Variants in KHDC1 observed in about 807,000 individuals in gnomAD.
KHDC1 encodes KH domain containing 1.
In KHDC1, 21 loss-of-function variants were observed where a neutral mutation model predicts 24.7. The observed-to-expected ratio is 0.85, with a 90% CI of 0.60 to 1.23. The LOEUF is 1.23. Among genes scored for constraint, KHDC1 ranks in the 50% most tolerant of loss-of-function variants. KHDC1 has a pLI of 0.00. For missense variants in KHDC1, 274 were observed against 298.5 expected (o/e 0.92, Z 0.61); for synonymous variants, 98 against 111.7 (o/e 0.88, Z 0.77).
chr6:73,269,702 G>A (rs1767146508), intron 2 of KHDC1: 1 of 152,002 alleles, frequency 6.6e-6, no homozygotes, highest in Admixed American at 6.6e-5. Flanking sequence ...AGGTTGTTAG[G>A]TATAGTTCAA....
chr6:73,292,919 G>T, intron 1 of KHDC1: 1 of 819,322 alleles, frequency 1.2e-6, no homozygotes, highest in South Asian at 1.4e-5. Context: ...CTTCTTGGTG[G>T]CTTGTCTTAA....
Position 73,294,072 on chromosome 6 carries a change from A to G in KHDC1, c.164-2032T>C, listed in dbSNP as rs554772792. 2.6e-5 allele frequency among the ~76,000 whole-genome samples: 4 copies of G among 151,996 alleles called. No homozygotes were observed. The South Asian group carries it at 6.3e-4, about 24-fold the overall frequency. ...GCCAAGGCAGGATTGCTTGAGACCA[A>G]CCAGAAGTTCAAGGTTGCCTGGGCA... On this transcript the variant is annotated intron_variant, in intron 1 of 4. Transcript: ENST00000370384.
At chr6:73,263,045 C>T (rs1767011687) in intron 2 of KHDC1, 1 of 949,492 alleles carries the variant, frequency 1.1e-6, no homozygotes, top group South Asian at 4.1e-5. Context: ...AGTAGGGCGG[C>T]GGCGGCGGCG....
At chr6:73,255,589 T>C (rs1190818675) in intron 2 of KHDC1, among the ~76,000 whole-genome samples, 3 of 149,596 alleles carry the variant, frequency 2.0e-5, no homozygotes, top group African/African-American at 7.4e-5. Context: ...AGTGGGATCA[T>C]TGCTTGCGGT....
chr6:73,280,981 G>A (rs542714660), intron 2 of KHDC1, among the ~76,000 whole-genome samples: 2 of 152,176 alleles, frequency 1.3e-5, no homozygotes, highest in South Asian at 4.2e-4. Flanking sequence ...GACCAAGTAG[G>A]GCAAATCACT....
chr6:73,284,732 C>G (rs756677997), intron 2 of KHDC1: 11 of 152,152 alleles, frequency 7.2e-5, no homozygotes, highest in Non-Finnish European at 1.6e-4. Flanking sequence ...GCTCAAACTC[C>G]AGGTATGCTC....
intron 2 of KHDC1, chr6:73,263,013 C>G (rs1054698190): frequency 2.0e-6 from 2 of 1,020,690 alleles, no homozygotes; most frequent in South Asian, 3.9e-5. Context: ...GGTGGCGCGC[C>G]GCAGGCCTGG....
chr6:73,246,759 G>A (rs79485027), intron 2 of KHDC1, among the ~76,000 whole-genome samples: 2 of 151,798 alleles, frequency 1.3e-5, no homozygotes, highest in Non-Finnish European at 2.9e-5. Context: ...GTTATTCTCA[G>A]CTTGGTAACC....
At chr6:73,256,569 C>T (rs1299664638) in intron 2 of KHDC1, among the ~76,000 whole-genome samples, 1 of 152,244 alleles carries the variant, frequency 6.6e-6, no homozygotes, top group African/African-American at 2.4e-5. Context: ...TTTACCAATA[C>T]GTAAGCATAA....
rs78971886 is a variant in KHDC1 at position 73,307,085 on chromosome 6, C to T, written c.163+2467G>A. 4.1e-3 allele frequency among the ~76,000 whole-genome samples: 625 copies of T among 152,052 alleles called. 5 individuals carry two copies. Among genetic ancestry groups the T allele is most frequent in the African/African-American group, 0.014 (574 of 41,494 alleles). On this transcript the variant is annotated intron_variant, in intron 1 of 4. Coordinates refer to ENST00000370384, the Ensembl canonical transcript of KHDC1. ...CCTTTTGAAAATGTTTTTCCTTTTA[C>T]CCTGGAAAGAACACTGATCAACACT...
intron 1 of KHDC1, among the ~76,000 whole-genome samples, chr6:73,305,809 G>C (rs762472727): frequency 1.3e-5 from 2 of 151,948 alleles, no homozygotes; most frequent in Non-Finnish European, 2.9e-5. Flanking sequence ...ACAGGAGCCC[G>C]CCACCACACC....
At chr6:73,252,831 A>G (rs1479307749) in intron 2 of KHDC1, among the ~76,000 whole-genome samples, 11 of 151,852 alleles carry the variant, frequency 7.2e-5, no homozygotes, top group Non-Finnish European at 1.6e-4. Context: ...AAAAAAAAAA[A>G]TTATCCACTC....
chr6:73,296,992 C>T (rs1767770722), intron 1 of KHDC1, among the ~76,000 whole-genome samples: 1 of 152,136 alleles, frequency 6.6e-6, no homozygotes, highest in Non-Finnish European at 1.5e-5. Context: ...CCTCTGCCTC[C>T]TGAGTTCAAG....
rs530470917 is a variant in KHDC1 at position 73,261,958 on chromosome 6, G to A, written c.207-19428C>T. ...GCTGGGCAAGGTGGTATGTGCCTGC[G>A]GTCTCAGCTACTCAGGAGGCTGAGG... On this transcript the variant is annotated intron_variant, in intron 2 of 4. Coordinates refer to ENST00000370384, the Ensembl canonical transcript of KHDC1. Among the ~76,000 whole-genome samples the A allele has an allele frequency of 9.2e-5, 14 of 151,690 alleles. No individual in the cohort carries two copies. The East Asian group carries it at 1.7e-3, about 19-fold the overall frequency.
At chr6:73,300,174 T>A (rs1767848068) in intron 1 of KHDC1, 1 of 152,354 alleles carries the variant, frequency 6.6e-6, no homozygotes, top group Non-Finnish European at 1.5e-5. Context: ...GAAGGTGTTC[T>A]CCACATCAGT....
intron 2 of KHDC1, among the ~76,000 whole-genome samples, chr6:73,256,454 G>A (rs772595102): frequency 3.9e-5 from 6 of 152,126 alleles, no homozygotes; most frequent in East Asian, 1.9e-4. Context: ...TTATAGACTC[G>A]CTCCAGGTTT....
intron 2 of KHDC1, among the ~76,000 whole-genome samples, chr6:73,270,713 C>A (rs921993147): frequency 6.7e-6 from 1 of 148,256 alleles, no homozygotes; most frequent in African/African-American, 2.5e-5. Flanking sequence ...TTTCTGAAAT[C>A]GAGTTTTGCT....
intron 2 of KHDC1, among the ~76,000 whole-genome samples, chr6:73,282,455 A>G (rs1767432344): frequency 6.6e-6 from 1 of 152,078 alleles, no homozygotes; most frequent in Non-Finnish European, 1.5e-5. Context: ...GGCTCAACTA[A>G]CTTTAGGAGG....
chr6:73,254,582 T>C (rs145297915), intron 2 of KHDC1, among the ~76,000 whole-genome samples: 277 of 152,146 alleles, frequency 1.8e-3, no homozygotes, highest in African/African-American at 6.2e-3. Context: ...CCACAAGATA[T>C]ATTGAGTTAA....
Sources: allele counts gnomAD v4.1 joint callset (sites outside exome capture counted in the v4.1 genomes callset), GRCh38; gene constraint gnomAD v4.1.1; transcripts MANE v1.5; gene names NCBI Gene and HGNC (gene_info 2026-07-23, HGNC 2026-07-21).